DNMBP: variants seen among roughly 807,000 people sequenced by gnomAD.
The protein encoded by DNMBP is dynamin-binding protein.
DNMBP carries 87 observed loss-of-function variants against 150.0 expected under a neutral mutation model. The observed-to-expected ratio is 0.58, with a 90% CI of 0.49 to 0.69. DNMBP has a LOEUF of 0.69. DNMBP is among the 30% of genes least tolerant of loss of function. DNMBP has a pLI of 0.00. For synonymous variants in DNMBP, 711 were observed against 750.4 expected, an observed-to-expected ratio of 0.95 and a Z score of 0.86; for missense variants, 1,774 against 1,949.0, an observed-to-expected ratio of 0.91 and a Z score of 1.69.
intron 1 of DNMBP, among the ~76,000 whole-genome samples, chr10:99,990,922 T>C (rs1186899545): frequency 6.6e-6 from 1 of 151,872 alleles, no homozygotes; most frequent in East Asian, 1.9e-4. Context: ...ATTATTCTGG[T>C]TGTTTCTCTT....
chr10:99,959,069 G>A (rs1401730019), intron 3 of DNMBP, among the ~76,000 whole-genome samples: 1 of 152,162 alleles, frequency 6.6e-6, no homozygotes, highest in Admixed American at 6.5e-5. Context: ...ATTGAATACA[G>A]ATGCAAATAG....
At chr10:99,981,277 G>C (rs1056723796) in intron 1 of DNMBP, among the ~76,000 whole-genome samples, 1 of 152,142 alleles carries the variant, frequency 6.6e-6, no homozygotes, top group Admixed American at 6.5e-5. Flanking sequence ...CACCTCCTGG[G>C]CTCAAGTAAC....
At chr10:99,938,273 G>C (rs1009377612) in intron 4 of DNMBP, among the ~76,000 whole-genome samples, 5 of 152,190 alleles carry the variant, frequency 3.3e-5, no homozygotes, top group African/African-American at 4.8e-5. Flanking sequence ...ACCAGGTGTG[G>C]TGGCTCAGGC....
chr10:99,892,192 G>A (rs1316698567), intron 11 of DNMBP, among the ~76,000 whole-genome samples: 4 of 147,630 alleles, frequency 2.7e-5, no homozygotes, highest in East Asian at 2.0e-4. Flanking sequence ...CCCCCTGCCC[G>A]GCCAGCCGCC....
intron 1 of DNMBP, among the ~76,000 whole-genome samples, chr10:99,974,962 T>C (rs2040713341): frequency 6.6e-6 from 1 of 151,538 alleles, no homozygotes; most frequent in Non-Finnish European, 1.5e-5. Flanking sequence ...GAGACAGGGT[T>C]TTACTATGTT....
At chr10:99,881,276 C>A (rs1054004459) in intron 15 of DNMBP, among the ~76,000 whole-genome samples, 6 of 152,198 alleles carry the variant, frequency 3.9e-5, no homozygotes, top group African/African-American at 1.4e-4. Flanking sequence ...CCTCCCTGCC[C>A]TCTTTCCCAC....
rs1406947224 is a variant in DNMBP, at chr10:99,876,297, A to G, written c.*854T>C. On this transcript the variant is annotated 3_prime_UTR_variant, in exon 17 of 17. Transcript: ENST00000324109. ...AGAAAGGTGTCATTGAGGTTGCGGT[A>G]TGGTGGCTTACACCTGTAATCTCAG... The G allele has an allele frequency of 6.6e-6, 1 of 151,570 alleles. No individual in the cohort carries two copies. Among genetic ancestry groups the G allele is most frequent in the Admixed American group, 6.6e-5 (1 of 15,174 alleles). The allele number at this position is 151,570 out of a possible 1,614,324, so 9.4% of individuals were successfully genotyped here.
intron 1 of DNMBP, among the ~76,000 whole-genome samples, chr10:99,997,927 CAAAAAAA>C (rs71009798): frequency 1.8e-4 from 4 of 22,326 alleles, no homozygotes; most frequent in African/African-American, 1.7e-4. Context: ...GACTCTGTCT[CAAAAAAA>C]AAAAAAAAAA....
chr10:99,915,094 C>CAAAA lies in DNMBP; in HGVS notation c.2261-5952_2261-5949dup, dbSNP rs1290992306. Among the ~76,000 whole-genome samples, 396 of 81,410 alleles carry CAAAA rather than the reference C, an allele frequency of 4.9e-3. 1 individual carries two copies. Among genetic ancestry groups the CAAAA allele is most frequent in the African/African-American group, 0.013 (225 of 16,846 alleles). 53.4% of individuals were successfully genotyped at this position (81,410 alleles called of 152,430 possible). ...GGGCAACAAGTGTGAAACTCTGTCTCAAAAAAAAAAAAAAATATATATATA... is the reference window on the plus strand; with the variant it reads ...GGGCAACAAGTGTGAAACTCTGTCTCAAAAAAAAAAAAAAAAAAATATATATATA... On this transcript the variant is annotated intron_variant, in intron 4 of 16. Coordinates refer to ENST00000324109, the MANE Select transcript of DNMBP (RefSeq NM_015221.4).
At chr10:99,953,819 A>AAAAAAAAAAGAAAG (rs1229016312) in intron 4 of DNMBP, among the ~76,000 whole-genome samples, 10 of 133,532 alleles carry the variant, frequency 7.5e-5, no homozygotes, top group Non-Finnish European at 9.5e-5. Flanking sequence ...GTCTCAAAAA[A>AAAAAAAAAAGAAAG]AAAAAGAAAA....
At chr10:99,930,669 C>T (rs1384526708) in intron 4 of DNMBP, 24 of 702,788 alleles carry the variant, frequency 3.4e-5, no homozygotes, top group Middle Eastern at 4.6e-4. Flanking sequence ...GTTCCTTTTC[C>T]GTACACTCCC....
rs774482017 is a variant in DNMBP, at chr10:99,913,960, G to A, written c.2261-4814C>T. On this transcript the variant is annotated intron_variant, in intron 4 of 16. Coordinates refer to ENST00000324109, the MANE Select transcript of DNMBP (RefSeq NM_015221.4). ...CCACACCCCAGGACCTACCTGCAGT[G>A]CCCAGAGCTGGCTGTGTGTGGAGGT... 5 of 1,432,446 alleles carry A rather than the reference G, an allele frequency of 3.5e-6. No homozygotes were observed. In the South Asian group the frequency reaches 4.6e-5, roughly 13 times the overall value. 88.7% of individuals were successfully genotyped at this position (1,432,446 alleles called of 1,614,324 possible).
chr10:99,928,160 G>A (rs1288145860), intron 4 of DNMBP: 1 of 152,060 alleles, frequency 6.6e-6, no homozygotes, highest in African/African-American at 2.4e-5. Context: ...GTCTTTATAG[G>A]TGCAGGTTAA....
intron 3 of DNMBP, among the ~76,000 whole-genome samples, chr10:99,964,769 G>A (rs1458053197): frequency 6.6e-6 from 1 of 151,630 alleles, no homozygotes; most frequent in Non-Finnish European, 1.5e-5. Flanking sequence ...TATTCGGGAG[G>A]CTAAGGCATG....
intron 4 of DNMBP, among the ~76,000 whole-genome samples, chr10:99,954,024 C>T (rs755866339): frequency 2.2e-4 from 34 of 151,622 alleles, no homozygotes; most frequent in Middle Eastern, 6.8e-3. Context: ...TATGTGTCTC[C>T]GAGGTATGAG....
intron 1 of DNMBP, among the ~76,000 whole-genome samples, chr10:100,007,405 C>T (rs1247893165): frequency 7.1e-6 from 1 of 141,424 alleles, no homozygotes; most frequent in African/African-American, 2.5e-5. Context: ...CACACAGGTG[C>T]CCCCCACAAG....
intron 15 of DNMBP, 84 bp from the exon 16 acceptor site, chr10:99,880,445 A>C: frequency 1.4e-6 from 2 of 1,421,530 alleles, no homozygotes; most frequent in Non-Finnish European, 1.8e-6. Flanking sequence ...AAAAAAACTG[A>C]TCTAGGTTAT....
intron 1 of DNMBP, among the ~76,000 whole-genome samples, chr10:99,977,823 C>T (rs1391416038): frequency 6.6e-6 from 1 of 152,098 alleles, no homozygotes; most frequent in Non-Finnish European, 1.5e-5. Context: ...TGAAACTATT[C>T]ATATCAAAAT....
At chr10:99,926,269 ATTTTT>A (rs1309325939) in intron 4 of DNMBP, among the ~76,000 whole-genome samples, 1 of 152,082 alleles carries the variant, frequency 6.6e-6, no homozygotes, top group East Asian at 1.9e-4. Flanking sequence ...TACAAGATTT[ATTTTT>A]TTAACTTTTA....
Sources: allele counts gnomAD v4.1 joint callset (sites outside exome capture counted in the v4.1 genomes callset), GRCh38; gene constraint gnomAD v4.1.1; transcripts MANE v1.5; gene names NCBI Gene and HGNC (gene_info 2026-07-23, HGNC 2026-07-21).